Variants in DHX35 observed in about 807,000 individuals in gnomAD.
DHX35 encodes probable ATP-dependent RNA helicase DHX35.
A neutral mutation model predicts 99.6 loss-of-function variants in DHX35; 84 were observed. The observed-to-expected ratio is 0.84, with a 90% CI of 0.71 to 1.01. The LOEUF is 1.01. Ranked by LOEUF, DHX35 falls within the 50% of genes least tolerant of loss-of-function variation. The pLI, the probability that DHX35 is intolerant of heterozygous loss-of-function variation, is 0.00. For synonymous variants in DHX35, 331 were observed against 316.2 expected (o/e 1.05, Z -0.50); for missense variants, 852 against 888.5 (o/e 0.96, Z 0.52).
intron 1 of DHX35, among the ~76,000 whole-genome samples, chr20:38,968,073 G>A (rs953908029): frequency 2.0e-5 from 3 of 152,178 alleles, no homozygotes; most frequent in Admixed American, 2.0e-4. Context: ...AGTGAGCTCC[G>A]TGAGGGTAGG....
intron 3 of DHX35, among the ~76,000 whole-genome samples, chr20:38,982,780 T>TA (rs1206483153): frequency 6.6e-6 from 1 of 152,228 alleles, no homozygotes; most frequent in South Asian, 2.1e-4. Flanking sequence ...GTAGAAGTAA[T>TA]ACATGTTCAT....
At position 39,038,550 on chromosome 20, in the gene DHX35, C is replaced by T; in HGVS notation, c.*7C>T. On this transcript the variant is annotated 3_prime_UTR_variant, in exon 22 of 22. Transcript: ENST00000252011. ...CAAGGTCCAGGACCCGTGAGAGGAGCCCACAGCTACAGCTGCAGGGACTGC... is the reference window on the plus strand; with the variant it reads ...CAAGGTCCAGGACCCGTGAGAGGAGTCCACAGCTACAGCTGCAGGGACTGC... 1 of 1,611,310 alleles carries T rather than the reference C, an allele frequency of 6.2e-7. No individual in the cohort carries two copies.
intron 7 of DHX35, among the ~76,000 whole-genome samples, chr20:38,993,758 G>A (rs2086378753): frequency 6.6e-6 from 1 of 150,928 alleles, no homozygotes; most frequent in South Asian, 2.1e-4. Context: ...CTTATGCATC[G>A]GACAGTACAA....
chr20:38,992,985 C>G (rs1417256536), intron 7 of DHX35, among the ~76,000 whole-genome samples: 1 of 152,060 alleles, frequency 6.6e-6, no homozygotes, highest in Non-Finnish European at 1.5e-5. Flanking sequence ...CCCCATGTAC[C>G]CTTCATCTGG....
chr20:38,978,409 A>G (rs1463831325), intron 3 of DHX35: 6 of 664,970 alleles, frequency 9.0e-6, no homozygotes, highest in Non-Finnish European at 1.7e-5. Flanking sequence ...GTCCGTGTCC[A>G]TCACATCTTT....
At chr20:39,036,395 G>A (rs1224509019) in intron 21 of DHX35, among the ~76,000 whole-genome samples, 2 of 151,924 alleles carry the variant, frequency 1.3e-5, no homozygotes, top group African/African-American at 2.4e-5. Flanking sequence ...CACTGTCATC[G>A]GAGTATTTTT....
intron 18 of DHX35, among the ~76,000 whole-genome samples, chr20:39,026,102 A>G (rs1440778908): frequency 2.6e-5 from 4 of 152,186 alleles, no homozygotes; most frequent in Non-Finnish European, 2.9e-5. Flanking sequence ...CTGAAAGCCT[A>G]GTGTGCCAGG....
chr20:38,980,738 G>A (rs1391549063), intron 3 of DHX35, among the ~76,000 whole-genome samples: 1 of 152,128 alleles, frequency 6.6e-6, no homozygotes, highest in Non-Finnish European at 1.5e-5. Flanking sequence ...TACTAGTGCA[G>A]AGATCGAAAG....
chr20:39,017,517 CAATACCCT>C (rs1308484804), intron 14 of DHX35, among the ~76,000 whole-genome samples: 5 of 152,124 alleles, frequency 3.3e-5, no homozygotes, highest in Admixed American at 6.5e-5. Flanking sequence ...CCTATTTCTT[CAATACCCT>C]AAATAAGCTG....
chr20:39,021,699 A>C, intron 15 of DHX35, 142 bp from the exon 16 acceptor site: 3 of 799,634 alleles, frequency 3.8e-6, no homozygotes, highest in South Asian at 3.2e-5. Context: ...CCAGGCTTAT[A>C]TACTATACAC....
At chr20:39,028,159 G>A (rs981175292) in intron 18 of DHX35, among the ~76,000 whole-genome samples, 3 of 152,198 alleles carry the variant, frequency 2.0e-5, no homozygotes, top group African/African-American at 7.2e-5. Flanking sequence ...TGGCTTAGGG[G>A]AGGTTGGAGG....
chr20:39,010,328 G>C lies in DHX35; in HGVS notation c.1271G>C (p.Arg424Pro), dbSNP rs143299906. 1.9e-6 allele frequency: 3 copies of C among 1,614,150 alleles called. No individual in the cohort carries two copies. The highest frequency in any genetic ancestry group is 2.5e-6 in the Non-Finnish European group (3 of 1,180,022). ...CAGTCTACGGTTCCTGAGATGCAGC[G>C]TAGTAATTTGGCACCTGTCATCCTG... ...LPQSTVPEMQ[R>P]SNLAPVILQL... The change falls in exon 13 of 22, where the codon CGT becomes CCT. Residue 424 changes from arginine to proline, a missense_variant. Transcript: ENST00000252011.
intron 8 of DHX35, among the ~76,000 whole-genome samples, chr20:38,998,724 A>G (rs2086469817): frequency 1.3e-5 from 2 of 152,104 alleles, no homozygotes; most frequent in South Asian, 2.1e-4. Context: ...TTTTTTATGT[A>G]TTTTGTATTT....
At chr20:38,971,156 C>T (rs77057837) in intron 2 of DHX35, among the ~76,000 whole-genome samples, 70 of 152,130 alleles carry the variant, frequency 4.6e-4, no homozygotes, top group Middle Eastern at 6.8e-3. Context: ...AGTTCGAGAC[C>T]AACCTGGCAA....
At chr20:38,976,127 GTT>G (rs10709695) in intron 3 of DHX35, among the ~76,000 whole-genome samples, 1 of 151,480 alleles carries the variant, frequency 6.6e-6, no homozygotes, top group South Asian at 2.1e-4. Context: ...AACAAAGGTA[GTT>G]TTTTTTTCTT....
At chr20:38,971,857 C>G (rs2086001912) in intron 2 of DHX35, among the ~76,000 whole-genome samples, 1 of 152,000 alleles carries the variant, frequency 6.6e-6, no homozygotes, top group African/African-American at 2.4e-5. Flanking sequence ...ACTGATTTAA[C>G]CAAACTTTTG....
At chr20:38,977,004 G>A (rs2086089609) in intron 3 of DHX35, among the ~76,000 whole-genome samples, 1 of 152,146 alleles carries the variant, frequency 6.6e-6, no homozygotes, top group South Asian at 2.1e-4. Flanking sequence ...CAGTTCATCT[G>A]TTGTTGGACA....
intron 3 of DHX35, chr20:38,978,274 C>A (rs373064172): frequency 7.8e-6 from 6 of 769,836 alleles, no homozygotes; most frequent in African/African-American, 3.4e-5. Context: ...TGCACCAGCC[C>A]CTGAGCTGAC....
intron 3 of DHX35, among the ~76,000 whole-genome samples, chr20:38,981,082 T>A (rs996931846): frequency 6.6e-6 from 1 of 152,242 alleles, no homozygotes; most frequent in Non-Finnish European, 1.5e-5. Context: ...TTTCAAGGGT[T>A]CATAATGTTG....
Sources: allele counts gnomAD v4.1 joint callset (sites outside exome capture counted in the v4.1 genomes callset), GRCh38; gene constraint gnomAD v4.1.1; transcripts MANE v1.5; gene names NCBI Gene and HGNC (gene_info 2026-07-23, HGNC 2026-07-21).